The following SLC15A2 variants were observed in gnomAD, a reference collection of about 807,000 sequenced individuals.
SLC15A2 encodes solute carrier family 15 member 2.
A neutral mutation model predicts 95.5 loss-of-function variants in SLC15A2; 77 were observed. The ratio of observed to expected loss-of-function variants is 0.81; its 90% CI spans 0.67 to 0.97. The LOEUF is 0.97. SLC15A2 is among the 50% of genes least tolerant of loss of function. The pLI is 0.00. For synonymous variants in SLC15A2, 306 were observed against 306.9 expected, an observed-to-expected ratio of 1.00 and a Z score of 0.03; for missense variants, 893 against 874.4, an observed-to-expected ratio of 1.02 and a Z score of -0.27.
intron 3 of SLC15A2, among the ~76,000 whole-genome samples, chr3:121,903,112 G>A (rs886082576): frequency 2.0e-5 from 3 of 152,196 alleles, no homozygotes; most frequent in African/African-American, 7.2e-5. Context: ...CAGTGATGAT[G>A]AGCATTTTTT....
At position 121,930,843 on chromosome 3, in the gene SLC15A2, T is replaced by A; in HGVS notation, c.1557T>A (p.Phe519Leu). The stretch of plus-strand genomic sequence containing the variant: ...TAAATAATATCTCTACCCTCAGGTT[T>A]GTTAACACTTTGCATAAAGATGTCA... ...RTTNGMTTVR[F>L]VNTLHKDVNI... is the part of the protein sequence containing the mutation. The change falls in exon 18 of 22, where the codon TTT becomes TTA. Residue 519 changes from phenylalanine (F) to leucine (L), a missense_variant. By Grantham distance (22) the Phe-to-Leu change is conservative. Transcript: ENST00000489711. The A allele has an allele frequency of 6.3e-7, 1 of 1,598,864 alleles. No individual in the cohort carries two copies. The highest frequency in any genetic ancestry group is 8.6e-7 in the Non-Finnish European group (1 of 1,166,280).
intron 14 of SLC15A2, 137 bp downstream of exon 14, chr3:121,927,976 A>G: frequency 1.5e-6 from 1 of 663,604 alleles, no homozygotes; most frequent in Non-Finnish European, 2.6e-6. Context: ...AGTATTTGTG[A>G]TAAATAAGTA....
chr3:121,923,399 C>G (rs2293614), intron 11 of SLC15A2, 133 bp downstream of exon 11: 1 of 792,446 alleles, frequency 1.3e-6, no homozygotes, highest in East Asian at 2.6e-5. Flanking sequence ...CTGAAGGTAC[C>G]GTGTAGGCAA....
chr3:121,916,458 G>T (rs562388750), intron 7 of SLC15A2, among the ~76,000 whole-genome samples: 1 of 152,242 alleles, frequency 6.6e-6, no homozygotes, highest in South Asian at 2.1e-4. Context: ...CTCAACAGAG[G>T]AAAAACAGCC....
chr3:121,895,537 A>C (rs1345761519), intron 1 of SLC15A2, among the ~76,000 whole-genome samples: 1 of 152,190 alleles, frequency 6.6e-6, no homozygotes, highest in Non-Finnish European at 1.5e-5. Flanking sequence ...TTCTGGTCCC[A>C]AAGAATTTAG....
At chr3:121,899,543 A>T (rs1338690969) in intron 3 of SLC15A2, among the ~76,000 whole-genome samples, 8 of 152,130 alleles carry the variant, frequency 5.3e-5, no homozygotes, top group Admixed American at 5.2e-4. Flanking sequence ...ACCCCATATT[A>T]TAAAAATAAT....
chr3:121,899,051 CATA>C (rs1028233432), intron 3 of SLC15A2, among the ~76,000 whole-genome samples: 5 of 152,060 alleles, frequency 3.3e-5, no homozygotes, highest in African/African-American at 1.2e-4. Flanking sequence ...AAGTGCAAGC[CATA>C]ATCTATTTAT....
chr3:121,932,862 T>C (rs1392395419), intron 19 of SLC15A2, among the ~76,000 whole-genome samples: 13 of 152,266 alleles, frequency 8.5e-5, no homozygotes, highest in Non-Finnish European at 1.8e-4. Context: ...CTGCACCCAC[T>C]AACTCGTCAT....
chr3:121,922,809 G>A lies in SLC15A2; in HGVS notation c.815G>A (p.Gly272Glu). 1 of 1,613,988 alleles carries A rather than the reference G, an allele frequency of 6.2e-7. No individual in the cohort carries two copies. The change falls in exon 9 of 22, where the codon GGA becomes GAA. Residue 272 changes from glycine to glutamate, a missense_variant. Gly to Glu is a moderately conservative substitution (Grantham distance 98, BLOSUM62 -2). Coordinates refer to ENST00000489711, the MANE Select transcript of SLC15A2 (RefSeq NM_021082.4). ...TCCAATCGTTTCAAGAACCGTTCTG[G>A]AGACATTCCAAAGCGACAGCACTGG... The part of the protein sequence containing the change: ...AISNRFKNRS[G>E]DIPKRQHWLD...
intron 7 of SLC15A2, among the ~76,000 whole-genome samples, chr3:121,919,368 G>A (rs1006251449): frequency 6.6e-6 from 1 of 152,210 alleles, no homozygotes; most frequent in Non-Finnish European, 1.5e-5. Flanking sequence ...CAGAGAGTGA[G>A]TAAAGCAGAG....
intron 3 of SLC15A2, among the ~76,000 whole-genome samples, chr3:121,900,833 C>G (rs1172384822): frequency 2.0e-5 from 3 of 151,796 alleles, no homozygotes; most frequent in Non-Finnish European, 4.4e-5. Flanking sequence ...TTTTCTCACC[C>G]TTATATGACA....
At chr3:121,925,168 A>G (rs897733450) in intron 13 of SLC15A2, 135 bp downstream of exon 13, 4 of 682,690 alleles carry the variant, frequency 5.9e-6, no homozygotes, top group Non-Finnish European at 1.0e-5. Context: ...CTATTTTTCC[A>G]TGTTAGACTA....
intron 7 of SLC15A2, among the ~76,000 whole-genome samples, chr3:121,920,416 G>A (rs982461379): frequency 1.3e-5 from 2 of 152,042 alleles, no homozygotes; most frequent in African/African-American, 4.8e-5. Flanking sequence ...CTGCCTTAGC[G>A]CCTAAGTAGC....
chr3:121,898,659 G>A (rs1709466199), intron 3 of SLC15A2, among the ~76,000 whole-genome samples: 1 of 152,188 alleles, frequency 6.6e-6, no homozygotes, highest in East Asian at 1.9e-4. Flanking sequence ...AGCTAAAAAT[G>A]TTCCCTTACT....
intron 13 of SLC15A2, among the ~76,000 whole-genome samples, chr3:121,927,412 G>A (rs1442199282): frequency 1.3e-5 from 2 of 152,200 alleles, no homozygotes; most frequent in African/African-American, 4.8e-5. Flanking sequence ...TAGTGAATGA[G>A]TTCTCACAAG....
intron 2 of SLC15A2, 42 bp downstream of exon 2, chr3:121,896,535 A>C (rs750187429): frequency 3.5e-6 from 5 of 1,437,462 alleles, no homozygotes; most frequent in Non-Finnish European, 4.9e-6. Context: ...TCCTCCACCC[A>C]CCCTCACCCC....
intron 14 of SLC15A2, 174 bp from the exon 15 acceptor site, chr3:121,928,247 T>G (rs1710160748): frequency 1.5e-6 from 1 of 686,394 alleles, no homozygotes; most frequent in Admixed American, 3.0e-5. Flanking sequence ...AATGAGCTGA[T>G]GTTTCCCTCT....
At chr3:121,905,077 G>C (rs1164073141) in intron 3 of SLC15A2, among the ~76,000 whole-genome samples, 1 of 152,122 alleles carries the variant, frequency 6.6e-6, no homozygotes, top group Non-Finnish European at 1.5e-5. Flanking sequence ...TTTAGTCTTG[G>C]GAGGGTGTAT....
Position 121,941,140 on chromosome 3 carries a change from GTTCCAGGACTGGTT to G in SLC15A2, c.*140_*153del, listed in dbSNP as rs1231970030. 6 of 779,350 alleles carry G rather than the reference GTTCCAGGACTGGTT, an allele frequency of 7.7e-6. No homozygotes were observed. In the African/African-American group the frequency reaches 1.1e-4, roughly 14 times the overall value. The allele number at this position is 779,350 out of a possible 1,614,324, so 48.3% of individuals were successfully genotyped here. A position where few individuals can be genotyped will look rare whatever the true frequency, so the allele number is the denominator to read the frequency against. On this transcript the variant is annotated 3_prime_UTR_variant, in exon 22 of 22. Coordinates refer to ENST00000489711, the MANE Select transcript of SLC15A2 (RefSeq NM_021082.4). ...CCTCCACCTTTCTCCAATGACAGAA[GTTCCAGGACTGGTT>G]TTCCAGTACATCTTTAAACAAGGCC...
Sources: allele counts gnomAD v4.1 joint callset (sites outside exome capture counted in the v4.1 genomes callset), GRCh38; gene constraint gnomAD v4.1.1; transcripts MANE v1.5; gene names NCBI Gene and HGNC (gene_info 2026-07-23, HGNC 2026-07-21).